COL19A1: variants seen among roughly 807,000 people sequenced by gnomAD.
COL19A1 encodes the protein collagen type XIX alpha 1 chain, also known as collagen alpha-1(XIX) chain.
In COL19A1, 159 loss-of-function variants were observed where a neutral mutation model predicts 190.2. The ratio of observed to expected loss-of-function variants is 0.84; its 90% CI spans 0.73 to 0.95. COL19A1 has a LOEUF of 0.95. Among genes scored for constraint, COL19A1 ranks in the 40% least tolerant of loss-of-function variants. The pLI is 0.00. For synonymous variants in COL19A1, 509 were observed against 458.9 expected (o/e 1.11, Z -1.39); for missense variants, 1,418 against 1,431.9 (o/e 0.99, Z 0.16).
At chr6:70,070,216 A>G (rs1291687909) in intron 15 of COL19A1, among the ~76,000 whole-genome samples, 2 of 152,150 alleles carry the variant, frequency 1.3e-5, no homozygotes, top group Admixed American at 1.3e-4. Context: ...TTCAAATTAA[A>G]ATTGTACCCT....
chr6:69,938,084 G>A lies in COL19A1; in HGVS notation c.920G>A (p.Gly307Glu). The change falls in exon 9 of 51, where the codon GGG (glycine) becomes GAG (glutamate). Residue 307 changes from glycine (G) to glutamate (E), a missense_variant. Coordinates refer to ENST00000620364, the MANE Select transcript of COL19A1 (RefSeq NM_001858.6). ...PGAPGSPGQK[G>E]HKGEPGENGL... is the part of the protein sequence containing the mutation. ...GCTCCGGGTTCACCTGGGCAGAAAGGGCATAAAGGAGAGCCGGTAAGAAAA... is the reference window on the plus strand; with the variant it reads ...GCTCCGGGTTCACCTGGGCAGAAAGAGCATAAAGGAGAGCCGGTAAGAAAA... 1 of 1,612,608 alleles carries A rather than the reference G, an allele frequency of 6.2e-7. No individual in the cohort carries two copies. Among genetic ancestry groups the A allele is most frequent in the Non-Finnish European group, 8.5e-7 (1 of 1,179,106 alleles).
At chr6:69,890,028 C>G (rs1769238097) in intron 2 of COL19A1, 1 of 152,594 alleles carries the variant, frequency 6.6e-6, no homozygotes, top group Non-Finnish European at 1.5e-5. Context: ...ACAAACCCAC[C>G]AGAAGGAAGA....
intron 14 of COL19A1, among the ~76,000 whole-genome samples, chr6:70,049,205 T>G (rs1178985531): frequency 6.6e-6 from 1 of 152,006 alleles, no homozygotes; most frequent in Non-Finnish European, 1.5e-5. Flanking sequence ...TTTAATTCAT[T>G]GTTAGTTTTC....
chr6:69,900,767 T>C (rs915255794), intron 4 of COL19A1, among the ~76,000 whole-genome samples: 2 of 152,196 alleles, frequency 1.3e-5, no homozygotes, highest in Non-Finnish European at 2.9e-5. Flanking sequence ...AGCTCTTAGG[T>C]GTTCATCTTA....
chr6:70,165,877 A>G (rs1765115266), intron 36 of COL19A1, 64 bp from the exon 37 acceptor site: 1 of 1,409,296 alleles, frequency 7.1e-7, no homozygotes, highest in Admixed American at 1.7e-5. Flanking sequence ...TAATTTCAGA[A>G]GATAGTTTGT....
At chr6:70,122,735 A>AT (rs1406629847) in intron 17 of COL19A1, among the ~76,000 whole-genome samples, 2 of 151,916 alleles carry the variant, frequency 1.3e-5, no homozygotes, top group Non-Finnish European at 2.9e-5. Flanking sequence ...CCTTCCTGTA[A>AT]TTTTTTCTGA....
intron 15 of COL19A1, among the ~76,000 whole-genome samples, chr6:70,088,389 A>C (rs1434129317): frequency 6.6e-6 from 1 of 152,144 alleles, no homozygotes; most frequent in Non-Finnish European, 1.5e-5. Flanking sequence ...CTGGCTTCTC[A>C]TACAATGCAC....
At chr6:69,984,743 A>G (rs1225938746) in intron 11 of COL19A1, among the ~76,000 whole-genome samples, 2 of 152,138 alleles carry the variant, frequency 1.3e-5, no homozygotes, top group Non-Finnish European at 2.9e-5. Flanking sequence ...CTTTGCTTTC[A>G]CTTTATACTT....
intron 11 of COL19A1, among the ~76,000 whole-genome samples, chr6:70,010,612 A>T (rs1484098431): frequency 7.1e-6 from 1 of 140,440 alleles, no homozygotes; most frequent in East Asian, 2.3e-4. Context: ...CGCACCTGGA[A>T]AATAGGGTCA....
At chr6:70,121,789 T>C (rs1784892517) in intron 16 of COL19A1, 91 bp from the exon 17 acceptor site, 1 of 814,992 alleles carries the variant, frequency 1.2e-6, no homozygotes, top group East Asian at 2.8e-5. Context: ...TTCTTCACTA[T>C]ATGATTTCAA....
At chr6:70,061,596 A>G (rs1024102381) in intron 14 of COL19A1, among the ~76,000 whole-genome samples, 2 of 152,152 alleles carry the variant, frequency 1.3e-5, no homozygotes, top group African/African-American at 4.8e-5. Flanking sequence ...CATTAGGTAG[A>G]CTTTGCTACA....
At chr6:70,137,587 A>G (rs1173364960) in intron 18 of COL19A1, 98 bp from the exon 19 acceptor site, 2 of 1,085,550 alleles carry the variant, frequency 1.8e-6, no homozygotes, top group Non-Finnish European at 1.4e-6. Context: ...GATAAATTGT[A>G]TAGTTAGCAG....
At chr6:70,172,206 T>G (rs1219037516) in intron 41 of COL19A1, among the ~76,000 whole-genome samples, 189 bp downstream of exon 41, 3 of 152,122 alleles carry the variant, frequency 2.0e-5, no homozygotes, top group African/African-American at 7.2e-5. Flanking sequence ...CATTTTAAAA[T>G]TACATCTTAT....
intron 27 of COL19A1, among the ~76,000 whole-genome samples, chr6:70,147,216 A>G (rs964788172): frequency 3.9e-5 from 6 of 152,162 alleles, no homozygotes; most frequent in South Asian, 2.1e-4. Context: ...TTAGGTCAAT[A>G]TATATTACAG....
At chr6:70,186,853 T>C (rs1052555149) in intron 46 of COL19A1, among the ~76,000 whole-genome samples, 2 of 152,120 alleles carry the variant, frequency 1.3e-5, no homozygotes, top group Non-Finnish European at 2.9e-5. Context: ...AATTATGACA[T>C]CTTATTCAAC....
chr6:70,132,694 A>C (rs1245320080), intron 18 of COL19A1, among the ~76,000 whole-genome samples: 1 of 151,990 alleles, frequency 6.6e-6, no homozygotes, highest in Non-Finnish European at 1.5e-5. Flanking sequence ...ATCCACAGAG[A>C]CTCCGATTTA....
At chr6:70,127,001 T>C (rs990059936) in intron 17 of COL19A1, among the ~76,000 whole-genome samples, 2 of 152,206 alleles carry the variant, frequency 1.3e-5, no homozygotes, top group East Asian at 3.9e-4. Flanking sequence ...GATTAGAGAT[T>C]ACTGGCTCAT....
At chr6:70,151,351 G>T in intron 30 of COL19A1, 46 bp from the exon 31 acceptor site, 7 of 1,566,572 alleles carry the variant, frequency 4.5e-6, no homozygotes, top group Non-Finnish European at 5.3e-6. Context: ...ATTGTATTGT[G>T]TTCATATATA....
intron 44 of COL19A1, 81 bp downstream of exon 44, chr6:70,180,604 C>T: frequency 6.9e-7 from 1 of 1,456,828 alleles, no homozygotes; most frequent in South Asian, 1.2e-5. Flanking sequence ...CTCAGAAATT[C>T]TGAGATTTGA....
Sources: allele counts gnomAD v4.1 joint callset (sites outside exome capture counted in the v4.1 genomes callset), GRCh38; gene constraint gnomAD v4.1.1; transcripts MANE v1.5; gene names NCBI Gene and HGNC (gene_info 2026-07-23, HGNC 2026-07-21).